ACVR1: variants seen among roughly 807,000 people sequenced by gnomAD.
ACVR1 encodes activin A receptor type 1.
In ACVR1, 38 loss-of-function variants were observed where a neutral mutation model predicts 57.1. The observed-to-expected ratio is 0.67, with a 90% CI of 0.51 to 0.87. ACVR1 has a LOEUF of 0.87. ACVR1 is among the 40% of genes least tolerant of loss of function. ACVR1 has a pLI of 0.00. For missense variants in ACVR1, 463 were observed against 638.2 expected (o/e 0.73, Z 2.96); for synonymous variants, 212 against 228.1 (o/e 0.93, Z 0.63).
chr2:157,863,529 T>C (rs765584735), intron 1 of ACVR1, among the ~76,000 whole-genome samples: 138 of 150,356 alleles, frequency 9.2e-4, no homozygotes, highest in Non-Finnish European at 1.6e-3. Flanking sequence ...AAACCCCATC[T>C]CTACTAAAAA....
intron 9 of ACVR1, among the ~76,000 whole-genome samples, chr2:157,753,762 A>C (rs762354545): frequency 1.3e-5 from 2 of 152,226 alleles, no homozygotes; most frequent in Non-Finnish European, 2.9e-5. Flanking sequence ...AAATGGACTT[A>C]ACAGATATTT....
chr2:157,809,426 T>A (rs561401717), intron 2 of ACVR1, among the ~76,000 whole-genome samples: 76 of 151,968 alleles, frequency 5.0e-4, no homozygotes, highest in African/African-American at 1.8e-3. Context: ...ATCAAAAGTA[T>A]AAATATGATC....
intron 3 of ACVR1, among the ~76,000 whole-genome samples, chr2:157,792,556 T>G (rs1295184890): frequency 6.6e-6 from 1 of 152,216 alleles, no homozygotes; most frequent in Non-Finnish European, 1.5e-5. Context: ...AGCTGTCACA[T>G]GAGGGCAGTA....
intron 9 of ACVR1, among the ~76,000 whole-genome samples, chr2:157,752,005 AACT>A (rs1162746943): frequency 6.6e-6 from 1 of 152,158 alleles, no homozygotes; most frequent in Non-Finnish European, 1.5e-5. Context: ...ACCTGCACAA[AACT>A]AGCACATCAA....
chr2:157,853,184 A>G (rs1463556301), intron 1 of ACVR1, among the ~76,000 whole-genome samples: 1 of 152,204 alleles, frequency 6.6e-6, no homozygotes, highest in Non-Finnish European at 1.5e-5. Flanking sequence ...AATAGATTGT[A>G]TTAGTCTACT....
In ACVR1 at chr2:157,760,892, T is replaced by A; in HGVS notation, c.1252A>T (p.Met418Leu). ...ATTAGATACCTACCATTGCTCACCA[T>A]CCGCCTGGCCACTTCCCACAAAACA... is the stretch of plus-strand genomic sequence containing the variant. ...GLVLWEVARRMVSNGIVEDYK... is the reference protein window; with the variant it reads ...GLVLWEVARRLVSNGIVEDYK... The change falls in exon 9 of 11, where the codon ATG (methionine) becomes TTG (leucine). Residue 418 changes from methionine (M) to leucine (L), a missense_variant. Met to Leu is a conservative substitution (Grantham distance 15, BLOSUM62 2). Coordinates refer to ENST00000434821, the MANE Select transcript of ACVR1 (RefSeq NM_001111067.4). The A allele has an allele frequency of 6.2e-7, 1 of 1,614,118 alleles. No homozygotes were observed.
intron 1 of ACVR1, among the ~76,000 whole-genome samples, chr2:157,832,716 C>T (rs1688629861): frequency 6.6e-6 from 1 of 152,192 alleles, no homozygotes; most frequent in Admixed American, 6.5e-5. Context: ...AGCTTTGCAT[C>T]AGAATTCATT....
chr2:157,824,466 A>C (rs1688267861), intron 1 of ACVR1, among the ~76,000 whole-genome samples: 2 of 152,150 alleles, frequency 1.3e-5, no homozygotes, highest in Non-Finnish European at 2.9e-5. Flanking sequence ...AGATCCTGTC[A>C]AAAAAGTAAT....
intron 8 of ACVR1, among the ~76,000 whole-genome samples, chr2:157,762,237 C>A (rs1254525542): frequency 6.6e-6 from 1 of 152,166 alleles, no homozygotes; most frequent in Non-Finnish European, 1.5e-5. Context: ...AAGTACAGTA[C>A]AATTAAGTAT....
intron 9 of ACVR1, among the ~76,000 whole-genome samples, chr2:157,740,875 G>A (rs1013640380): frequency 1.3e-5 from 2 of 152,192 alleles, no homozygotes; most frequent in Admixed American, 1.3e-4. Flanking sequence ...TTATCCCTGG[G>A]ATTTAGTCAA....
intron 3 of ACVR1, among the ~76,000 whole-genome samples, chr2:157,799,045 C>T (rs1042172093): frequency 1.3e-5 from 2 of 151,662 alleles, no homozygotes; most frequent in Admixed American, 6.6e-5. Flanking sequence ...TACAGGTGCC[C>T]GCCACCATGC....
intron 1 of ACVR1, among the ~76,000 whole-genome samples, chr2:157,828,394 G>A (rs189132184): frequency 2.4e-3 from 361 of 149,148 alleles, no homozygotes; most frequent in African/African-American, 8.0e-3. Context: ...AGCTTGCAGT[G>A]AGCCGAGATC....
intron 9 of ACVR1, among the ~76,000 whole-genome samples, chr2:157,739,071 G>T (rs1684647266): frequency 6.6e-6 from 1 of 152,138 alleles, no homozygotes; most frequent in Admixed American, 6.5e-5. Flanking sequence ...AAAGTATTTT[G>T]TTAAGAAAAA....
Position 157,876,072 on chromosome 2 carries a change from G to GGCGGCA in ACVR1, c.-465_-460dup, listed in dbSNP as rs1338640749. Among the ~76,000 whole-genome samples the GGCGGCA allele has an allele frequency of 2.7e-5, 4 of 148,334 alleles. No individual in the cohort carries two copies. The highest frequency in any genetic ancestry group is 2.0e-4 in the East Asian group (1 of 4,998). On this transcript the variant is annotated 5_prime_UTR_variant, in exon 1 of 11. Coordinates refer to ENST00000434821, the MANE Select transcript of ACVR1 (RefSeq NM_001111067.4). ...CGAGGAGCAGGCTGGCAGCGGCAGCGGCGGCAGCGGCAGCCACCCGGGGGA... is the reference window on the plus strand; with the variant it reads ...CGAGGAGCAGGCTGGCAGCGGCAGCGGCGGCAGCGGCAGCGGCAGCCACCCGGGGGA...
chr2:157,854,198 G>T (rs1452175135), intron 1 of ACVR1, among the ~76,000 whole-genome samples: 4 of 114,542 alleles, frequency 3.5e-5, no homozygotes, highest in Non-Finnish European at 6.6e-5. Context: ...CCCTAAAGGA[G>T]TAAAAAAAAA....
intron 1 of ACVR1, among the ~76,000 whole-genome samples, chr2:157,850,388 C>CAAA (rs745600769): frequency 2.4e-5 from 3 of 126,972 alleles, no homozygotes; most frequent in South Asian, 2.5e-4. Context: ...GACTCAGTCT[C>CAAA]AAAAAAAAAA....
Position 157,737,515 on chromosome 2 carries a change from T to C in ACVR1, c.*16A>G. On this transcript the variant is annotated 3_prime_UTR_variant, in exon 11 of 11. Transcript: ENST00000434821. Reference sequence around the variant, plus strand: ...GACAACAACGTCAAATCTTCCTTCTTGACACTATGAAAATGTCAACAGTCA... The same window carrying C: ...GACAACAACGTCAAATCTTCCTTCTCGACACTATGAAAATGTCAACAGTCA... The C allele has an allele frequency of 1.2e-6, 2 of 1,613,884 alleles. No individual in the cohort carries two copies. The highest frequency in any genetic ancestry group is 1.7e-6 in the Non-Finnish European group (2 of 1,179,884).
intron 1 of ACVR1, among the ~76,000 whole-genome samples, chr2:157,835,270 T>C (rs1688740240): frequency 6.6e-6 from 1 of 152,170 alleles, no homozygotes; most frequent in Non-Finnish European, 1.5e-5. Flanking sequence ...CCATGCGCTA[T>C]CTTTAAGGCC....
chr2:157,756,983 A>G (rs1040287828), intron 9 of ACVR1, among the ~76,000 whole-genome samples: 3 of 142,400 alleles, frequency 2.1e-5, no homozygotes, highest in Non-Finnish European at 4.5e-5. Flanking sequence ...TTATATATAT[A>G]TATTTGAGAT....
Sources: allele counts gnomAD v4.1 joint callset (sites outside exome capture counted in the v4.1 genomes callset), GRCh38; gene constraint gnomAD v4.1.1; transcripts MANE v1.5; gene names NCBI Gene and HGNC (gene_info 2026-07-23, HGNC 2026-07-21).